Variants in ERAP1 observed in about 807,000 individuals in gnomAD.
ERAP1 encodes adipocyte-derived leucine aminopeptidase.
A neutral mutation model predicts 103.7 loss-of-function variants in ERAP1; 86 were observed. That is an observed-to-expected ratio of 0.83 (90% CI 0.70 to 0.99). ERAP1 has a LOEUF of 0.99. ERAP1 is among the 50% of genes least tolerant of loss of function. The pLI is 0.00. For synonymous variants in ERAP1, 398 were observed against 402.4 expected (o/e 0.99, Z 0.13); for missense variants, 1,009 against 1,128.4 (o/e 0.89, Z 1.52).
chr5:96,824,427 GC>G, the ERAP1 span, among the ~76,000 whole-genome samples: 11 of 152,102 alleles, frequency 7.2e-5, no homozygotes, highest in African/African-American at 2.7e-4. Context: ...CTATCCTCCT[GC>G]TTAGGACCCC....
chr5:96,868,660 G>A, the ERAP1 span, among the ~76,000 whole-genome samples: 3 of 152,092 alleles, frequency 2.0e-5, no homozygotes, highest in Admixed American at 1.3e-4. Flanking sequence ...TATCAGAACC[G>A]TTTCAAAAGC....
the ERAP1 span, among the ~76,000 whole-genome samples, chr5:96,828,543 T>C: frequency 2.0e-5 from 3 of 152,198 alleles, no homozygotes; most frequent in Non-Finnish European, 2.9e-5. Context: ...TTAGAGCAGA[T>C]CCACCAATTA....
chr5:96,915,705 A>G, the ERAP1 span: 1 of 1,554,412 alleles, frequency 6.4e-7, no homozygotes, highest in South Asian at 1.2e-5. Flanking sequence ...TTGGGCTCAT[A>G]TGACATAAGG....
At chr5:96,906,373 C>T in the ERAP1 span, among the ~76,000 whole-genome samples, 5 of 152,068 alleles carry the variant, frequency 3.3e-5, no homozygotes, top group Non-Finnish European at 7.4e-5. Context: ...CTCAAGCGAT[C>T]CTCCCACCTC....
intron 13 of ERAP1, among the ~76,000 whole-genome samples, chr5:96,784,301 C>T (rs532937420): frequency 1.1e-3 from 165 of 152,278 alleles, no homozygotes; most frequent in African/African-American, 3.8e-3. Flanking sequence ...TCAAGACCAG[C>T]CTGGCCAACA....
chr5:96,800,262 C>A (rs1258852571), intron 3 of ERAP1, among the ~76,000 whole-genome samples: 2 of 152,186 alleles, frequency 1.3e-5, no homozygotes, highest in Non-Finnish European at 2.9e-5. Context: ...TTTTAAAAAT[C>A]AGAGGGAATG....
chr5:96,812,956 C>T (rs1290179069), upstream of ERAP1, among the ~76,000 whole-genome samples: 1 of 152,174 alleles, frequency 6.6e-6, no homozygotes, highest in East Asian at 1.9e-4. Flanking sequence ...GCCACCACAG[C>T]CTTTCTTTTT....
chr5:96,904,140 G>A, the ERAP1 span, among the ~76,000 whole-genome samples: 4 of 152,168 alleles, frequency 2.6e-5, no homozygotes, highest in African/African-American at 4.8e-5. Context: ...TTAGTATGAC[G>A]TTTGTAGGGA....
chr5:96,801,659 C>T (rs1778006848), intron 2 of ERAP1, among the ~76,000 whole-genome samples: 1 of 151,596 alleles, frequency 6.6e-6, no homozygotes, highest in Admixed American at 6.6e-5. Flanking sequence ...CGAGACCACC[C>T]TGGCCAACAT....
chr5:96,887,055 G>A, the ERAP1 span, among the ~76,000 whole-genome samples: 3 of 130,116 alleles, frequency 2.3e-5, no homozygotes, highest in Admixed American at 8.0e-5. Context: ...TACTATATAT[G>A]TAAAGGTAAT....
chr5:96,895,215 C>T, the ERAP1 span: 3 of 1,296,548 alleles, frequency 2.3e-6, no homozygotes, highest in Middle Eastern at 1.9e-4. Context: ...ATTTGTTTAA[C>T]TTCTAATAAT....
chr5:96,852,841 A>C, the ERAP1 span, among the ~76,000 whole-genome samples: 1 of 152,164 alleles, frequency 6.6e-6, no homozygotes, highest in Non-Finnish European at 1.5e-5. Flanking sequence ...GGGAATTATT[A>C]TTGCCTTAAA....
At chr5:96,852,643 C>T in the ERAP1 span, among the ~76,000 whole-genome samples, 4 of 152,064 alleles carry the variant, frequency 2.6e-5, no homozygotes, top group African/African-American at 9.7e-5. Context: ...TTTGAAAGAA[C>T]AAGATTTTAG....
the ERAP1 span, among the ~76,000 whole-genome samples, chr5:96,815,419 T>TTG: frequency 0.022 from 3,332 of 149,558 alleles, 143 homozygotes; most frequent in African/African-American, 0.078. Flanking sequence ...TTTTTATTTT[T>TTG]TTTTTTTTTG....
the ERAP1 span, among the ~76,000 whole-genome samples, chr5:96,889,913 AT>A: frequency 6.6e-6 from 1 of 152,060 alleles, no homozygotes; most frequent in African/African-American, 2.4e-5. Flanking sequence ...ACCATACCTT[AT>A]TTGTACAAGG....
rs772786275 is a variant in ERAP1, at chr5:96,780,407, GA to G, written c.2670+15del. On this transcript the variant is annotated intron_variant, in intron 18 of 18. Transcript: ENST00000443439. ...ATTTATGTTTAAAAATATATATATA[GA>G]TTTTTTTTTTTTACCTCTTCAAGCC... 7.2e-6 allele frequency: 10 copies of G among 1,391,812 alleles called. No homozygotes were observed. Among genetic ancestry groups the G allele is most frequent in the Non-Finnish European group, 9.8e-6 (10 of 1,017,560 alleles). The allele number at this position is 1,391,812 out of a possible 1,614,324, so 86.2% of individuals were successfully genotyped here. A position where few individuals can be genotyped will look rare whatever the true frequency, so the allele number is the denominator to read the frequency against.
At chr5:96,851,894 C>A in the ERAP1 span, among the ~76,000 whole-genome samples, 4 of 151,896 alleles carry the variant, frequency 2.6e-5, no homozygotes, top group African/African-American at 9.7e-5. Context: ...AGAAGAAATA[C>A]AAAAGGAAAA....
chr5:96,783,569 A>C (rs27432), intron 14 of ERAP1, among the ~76,000 whole-genome samples: 18 of 151,986 alleles, frequency 1.2e-4, no homozygotes, highest in Admixed American at 4.6e-4. Flanking sequence ...TTTGCCAAGC[A>C]TAACAATTTT....
chr5:96,839,641 T>G, the ERAP1 span, among the ~76,000 whole-genome samples: 1 of 152,214 alleles, frequency 6.6e-6, no homozygotes, highest in Non-Finnish European at 1.5e-5. Context: ...ATGATCATTT[T>G]CCAGCCATTT....
Sources: allele counts gnomAD v4.1 joint callset (sites outside exome capture counted in the v4.1 genomes callset), GRCh38; gene constraint gnomAD v4.1.1; transcripts MANE v1.5; gene names NCBI Gene and HGNC (gene_info 2026-07-23, HGNC 2026-07-21).